The following HMMR variants were observed in gnomAD, a reference collection of about 807,000 sequenced individuals.
HMMR encodes intracellular hyaluronic acid-binding protein.
HMMR carries 108 observed loss-of-function variants against 101.0 expected under a neutral mutation model. That is an observed-to-expected ratio of 1.07 (90% CI 0.92 to 1.25). The LOEUF is 1.25. HMMR is among the 50% of genes most tolerant of loss of function. The probability of loss-of-function intolerance (pLI) is 0.00; values close to 1 mark genes in which losing one functional copy is unlikely to be tolerated. For synonymous variants in HMMR, 296 were observed against 276.4 expected (o/e 1.07, Z -0.70); for missense variants, 813 against 788.7 (o/e 1.03, Z -0.37).
chr5:163,471,107 A>C (rs1758872666), intron 5 of HMMR, 78 bp from the exon 6 acceptor site: 12 of 902,582 alleles, frequency 1.3e-5, no homozygotes, highest in Non-Finnish European at 1.9e-5. Flanking sequence ...TGATAGGTAG[A>C]AAAATCAATA....
chr5:163,491,031 A>C, intron 17 of HMMR, 81 bp from the exon 18 acceptor site: 74 of 653,474 alleles, frequency 1.1e-4, no homozygotes, highest in Non-Finnish European at 1.5e-4. Flanking sequence ...AAGAAGATAC[A>C]AGGCCTGTTT....
chr5:163,477,519 A>G (rs1220512170), intron 11 of HMMR, among the ~76,000 whole-genome samples: 1 of 152,184 alleles, frequency 6.6e-6, no homozygotes, highest in African/African-American at 2.4e-5. Context: ...CAAAATTGTA[A>G]TTAGGGGTGT....
intron 1 of HMMR, among the ~76,000 whole-genome samples, chr5:163,462,174 GT>G (rs995911431): frequency 6.6e-6 from 1 of 151,920 alleles, no homozygotes; most frequent in East Asian, 1.9e-4. Flanking sequence ...TGGCTTTAAG[GT>G]TTTTTTGGTT....
intron 16 of HMMR, among the ~76,000 whole-genome samples, chr5:163,488,881 C>T (rs1390861351): frequency 6.6e-6 from 1 of 152,206 alleles, no homozygotes; most frequent in African/African-American, 2.4e-5. Flanking sequence ...TAGTTTTCTC[C>T]TGCAAACTAA....
chr5:163,489,862 C>T (rs915046763), intron 16 of HMMR, among the ~76,000 whole-genome samples: 2 of 152,174 alleles, frequency 1.3e-5, no homozygotes, highest in African/African-American at 4.8e-5. Context: ...GGGCCCTGTG[C>T]TTTTGGCTGT....
intron 13 of HMMR, 101 bp downstream of exon 13, chr5:163,482,889 C>T: frequency 7.6e-7 from 1 of 1,318,718 alleles, no homozygotes; most frequent in Non-Finnish European, 1.1e-6. Flanking sequence ...TCTTATACTG[C>T]AAATTAAGAA....
chr5:163,466,228 C>G (rs2113460057), intron 3 of HMMR, among the ~76,000 whole-genome samples: 1 of 152,238 alleles, frequency 6.6e-6, no homozygotes, highest in Non-Finnish European at 1.5e-5. Flanking sequence ...GAGATTGCAC[C>G]ACTGCACTCC....
At position 163,473,419 on chromosome 5, in the gene HMMR, GC is replaced by G; in HGVS notation, c.769del (p.Gln257SerfsTer2). ...DQVEKYKLDI[A>X]QLEENLKEKN... is the part of the protein sequence containing the mutation. The stretch of plus-strand genomic sequence containing the variant: ...AGTGGAAAAATACAAGCTAGATATT[GC>G]CCAGTTAGAAGAAAATTTGAAAGAG... On this transcript the variant is annotated frameshift_variant, in exon 9 of 18. Coordinates refer to ENST00000393915, the MANE Select transcript of HMMR (RefSeq NM_001142556.2). LOFTEE classifies it high-confidence loss of function. 6.2e-7 allele frequency: 1 copy of G among 1,610,932 alleles called. No homozygotes were observed. The highest frequency in any genetic ancestry group is 8.5e-7 in the Non-Finnish European group (1 of 1,178,364).
chr5:163,483,373 T>A lies in HMMR; in HGVS notation c.1785+6T>A. On this transcript the variant is annotated splice_donor_region_variant and intron_variant, in intron 15 of 17. Transcript: ENST00000393915. ...ATAAAACAAAACCTTTTCAGGTTTGTCAGTTAGGAGTAAACTTACTTGTGT... is the reference window on the plus strand; with the variant it reads ...ATAAAACAAAACCTTTTCAGGTTTGACAGTTAGGAGTAAACTTACTTGTGT... The A allele has an allele frequency of 6.8e-7, 1 of 1,468,150 alleles. No individual in the cohort carries two copies. Among genetic ancestry groups the A allele is most frequent in the Non-Finnish European group, 9.5e-7 (1 of 1,053,604 alleles). The allele number at this position is 1,468,150 out of a possible 1,614,324, so 90.9% of individuals were successfully genotyped here. A position where few individuals can be genotyped will look rare whatever the true frequency, so the allele number is the denominator to read the frequency against.
intron 10 of HMMR, 43 bp downstream of exon 10, chr5:163,474,248 A>T (rs763883043): frequency 2.7e-6 from 4 of 1,484,420 alleles, no homozygotes; most frequent in Non-Finnish European, 3.7e-6. Flanking sequence ...ATTTTGTGTC[A>T]TACATTTCCC....
chr5:163,473,149 A>G, intron 7 of HMMR, 30 bp from the exon 8 acceptor site: 1 of 1,113,042 alleles, frequency 9.0e-7, no homozygotes, highest in Non-Finnish European at 1.4e-6. Flanking sequence ...CGAAACTAGA[A>G]TGTATTAACA....
chr5:163,478,386 C>T (rs1477462658), intron 11 of HMMR, among the ~76,000 whole-genome samples: 1 of 152,138 alleles, frequency 6.6e-6, no homozygotes, highest in Admixed American at 6.6e-5. Flanking sequence ...CTTTTGCAGT[C>T]TTTAGTCCTG....
chr5:163,471,181 T>C lies in HMMR; in HGVS notation c.463-4T>C. 6.4e-7 allele frequency: 1 copy of C among 1,560,460 alleles called. No homozygotes were observed. The highest frequency in any genetic ancestry group is 1.4e-5 in the African/African-American group (1 of 73,888). The stretch of plus-strand genomic sequence containing the variant: ...TGAATTTTTTACGTGTTTGTTGTAT[T>C]TAGTTTTCTGAAAATGGTAACCAGA... On this transcript the variant is annotated splice_polypyrimidine_tract_variant and splice_region_variant and intron_variant, in intron 5 of 17. Coordinates refer to ENST00000393915, the MANE Select transcript of HMMR (RefSeq NM_001142556.2).
Position 163,461,687 on chromosome 5 carries a change from G to GA in HMMR, c.46+949_46+950insA, listed in dbSNP as rs1581184388. 3.9e-5 allele frequency among the ~76,000 whole-genome samples: 6 copies of GA among 152,148 alleles called. No individual in the cohort carries two copies. The East Asian group carries it at 1.2e-3, about 29-fold the overall frequency. ...TAGTCCCAGCTGACTACAGGCTGAG[G>GA]CAGGAGAATGGCGTGAACCCGGGAG... On this transcript the variant is annotated intron_variant, in intron 1 of 17. Transcript: ENST00000393915.
chr5:163,469,611 A>G (rs762195218), intron 4 of HMMR, 30 bp from the exon 5 acceptor site: 1 of 1,576,326 alleles, frequency 6.3e-7, no homozygotes, highest in Non-Finnish European at 8.6e-7. Flanking sequence ...CTATCAGTGA[A>G]TCATTTATTA....
At chr5:163,480,894 C>A (rs546480477) in intron 12 of HMMR, among the ~76,000 whole-genome samples, 1 of 151,740 alleles carries the variant, frequency 6.6e-6, no homozygotes, top group Admixed American at 6.6e-5. Flanking sequence ...TTTTTATTTT[C>A]TTTTTGGTTT....
At chr5:163,487,789 T>TC (rs759957164) in intron 16 of HMMR, among the ~76,000 whole-genome samples, 224 of 151,814 alleles carry the variant, frequency 1.5e-3, no homozygotes, top group South Asian at 2.7e-3. Context: ...GTAATTTGAG[T>TC]CTTTTTTTTT....
Position 163,482,661 on chromosome 5 carries a change from A to G in HMMR, c.1405A>G (p.Ser469Gly), listed in dbSNP as rs72808225. 5,545 of 1,611,280 alleles carry G rather than the reference A, an allele frequency of 3.4e-3. 23 individuals are homozygous for G. Among genetic ancestry groups the G allele is most frequent in the Non-Finnish European group, 4.4e-3 (5,132 of 1,177,404 alleles). The stretch of plus-strand genomic sequence containing the variant: ...AATAAGCTATAAAGCGTTAACAGCC[A>G]GTGAGATAGAAGATCTTAAGCTGGA... Reference protein sequence around the residue: ...QFESYKALTASEIEDLKLENS... With the variant: ...QFESYKALTAGEIEDLKLENS... The change falls in exon 13 of 18, where the codon AGT becomes GGT. Residue 469 changes from serine to glycine, a missense_variant. Physicochemically the swap from Ser to Gly is moderately conservative, Grantham distance 56 (BLOSUM62 0). Transcript: ENST00000393915.
At chr5:163,476,457 C>G (rs1324788460) in intron 11 of HMMR, among the ~76,000 whole-genome samples, 4 of 152,126 alleles carry the variant, frequency 2.6e-5, no homozygotes, top group Non-Finnish European at 5.9e-5. Context: ...GGAGCACAAA[C>G]ACTTCAGAAA....
Sources: allele counts gnomAD v4.1 joint callset (sites outside exome capture counted in the v4.1 genomes callset), GRCh38; gene constraint gnomAD v4.1.1; transcripts MANE v1.5; gene names NCBI Gene and HGNC (gene_info 2026-07-23, HGNC 2026-07-21).